CDH8: variants seen among roughly 807,000 people sequenced by gnomAD.
CDH8 encodes cadherin 8.
In CDH8, 17 loss-of-function variants were observed where a neutral mutation model predicts 68.1. The ratio of observed to expected loss-of-function variants is 0.25; its 90% CI spans 0.17 to 0.37. The LOEUF (loss-of-function observed/expected upper bound fraction) is 0.37. CDH8 is among the 10% of genes least tolerant of loss of function. The pLI, the probability that CDH8 is intolerant of heterozygous loss-of-function variation, is 1.00. For synonymous variants in CDH8, 372 were observed against 365.1 expected (o/e 1.02, Z -0.21); for missense variants, 763 against 999.3 (o/e 0.76, Z 3.19).
chr16:61,898,161 A>G (rs1384984198), intron 3 of CDH8, among the ~76,000 whole-genome samples: 3 of 152,090 alleles, frequency 2.0e-5, no homozygotes, highest in Non-Finnish European at 2.9e-5. Context: ...TTAGCCGGGC[A>G]TGGTGACATG....
At chr16:61,854,778 C>A (rs1219677388) in intron 4 of CDH8, among the ~76,000 whole-genome samples, 2 of 151,986 alleles carry the variant, frequency 1.3e-5, no homozygotes, top group Admixed American at 6.6e-5. Flanking sequence ...GCTTGTATAA[C>A]CTCCTTTAAA....
intron 4 of CDH8, among the ~76,000 whole-genome samples, chr16:61,829,434 G>GGAC (rs1371724523): frequency 4.6e-5 from 7 of 151,808 alleles, no homozygotes; most frequent in African/African-American, 1.7e-4. Flanking sequence ...TACAAAACTG[G>GGAC]GACTCTGTCC....
chr16:61,858,705 G>C (rs1963095780), intron 3 of CDH8, among the ~76,000 whole-genome samples: 2 of 152,134 alleles, frequency 1.3e-5, no homozygotes, highest in African/African-American at 4.8e-5. Flanking sequence ...GAAGCATCTG[G>C]GATGTGATGC....
rs369686237 is a variant in CDH8, at chr16:61,930,270, AACAC to A, written c.253-28801_253-28798del. Among the ~76,000 whole-genome samples, 525 of 144,292 alleles carry A rather than the reference AACAC, an allele frequency of 3.6e-3. 1 individual carries two copies. The highest frequency in any genetic ancestry group is 0.017 in the Middle Eastern group (5 of 286). The allele number at this position is 144,292 out of a possible 152,430, so 94.7% of individuals were successfully genotyped here. ...TTGTTTAAATTAACTAAAGTTAGAAAACACACACACACACACACACACACACACA... is the reference window on the plus strand; with the variant it reads ...TTGTTTAAATTAACTAAAGTTAGAAAACACACACACACACACACACACACA... On this transcript the variant is annotated intron_variant, in intron 2 of 11. Transcript: ENST00000577390.
intron 8 of CDH8, among the ~76,000 whole-genome samples, chr16:61,781,534 T>C (rs1049528863): frequency 2.0e-5 from 3 of 152,120 alleles, no homozygotes; most frequent in African/African-American, 7.2e-5. Flanking sequence ...AGCAGGAGGA[T>C]CACTTGAGCC....
chr16:62,035,777 G>A (rs1902442863), intron 1 of CDH8, among the ~76,000 whole-genome samples: 1 of 152,210 alleles, frequency 6.6e-6, no homozygotes, highest in African/African-American at 2.4e-5. Flanking sequence ...TCGCCGCAGG[G>A]AAGGAAACCG....
At chr16:61,857,086 T>C in intron 4 of CDH8, 33 bp downstream of exon 4, 2 of 1,611,780 alleles carry the variant, frequency 1.2e-6, no homozygotes, top group South Asian at 1.1e-5. Flanking sequence ...AGCAAAAACA[T>C]GGCAAATATA....
chr16:62,004,411 A>T (rs1965940368), intron 2 of CDH8, among the ~76,000 whole-genome samples: 1 of 152,206 alleles, frequency 6.6e-6, no homozygotes, highest in Non-Finnish European at 1.5e-5. Flanking sequence ...TCAGTGAAAA[A>T]GATACAAGCC....
At chr16:61,745,509 A>G (rs1016665980) in intron 8 of CDH8, among the ~76,000 whole-genome samples, 1 of 151,400 alleles carries the variant, frequency 6.6e-6, no homozygotes, top group African/African-American at 2.4e-5. Context: ...CGCTTTACAT[A>G]TAATCTACAT....
intron 8 of CDH8, among the ~76,000 whole-genome samples, chr16:61,728,547 A>G (rs2142895877): frequency 6.6e-6 from 1 of 151,140 alleles, no homozygotes; most frequent in East Asian, 2.0e-4. Flanking sequence ...TTTATTCTTC[A>G]TTCAGGGAGG....
chr16:61,674,927 C>G (rs565112243), intron 10 of CDH8, among the ~76,000 whole-genome samples: 1 of 143,396 alleles, frequency 7.0e-6, no homozygotes, highest in Non-Finnish European at 1.5e-5. Flanking sequence ...AACATGAACA[C>G]AGAGATGAAC....
intron 8 of CDH8, among the ~76,000 whole-genome samples, chr16:61,739,018 A>G (rs553060623): frequency 2.0e-5 from 3 of 152,140 alleles, no homozygotes; most frequent in South Asian, 2.1e-4. Context: ...ATAAAATTGG[A>G]TAGTGAGTTT....
chr16:61,895,725 C>G (rs1403886338), intron 3 of CDH8, among the ~76,000 whole-genome samples: 1 of 152,072 alleles, frequency 6.6e-6, no homozygotes, highest in Non-Finnish European at 1.5e-5. Flanking sequence ...TAGGTCTTGT[C>G]AAGCAATTTT....
chr16:61,732,941 C>T (rs1959576496), intron 8 of CDH8, among the ~76,000 whole-genome samples: 4 of 151,488 alleles, frequency 2.6e-5, no homozygotes, highest in Admixed American at 2.6e-4. Context: ...TTCAAATCGA[C>T]AGGAACAAAT....
chr16:61,714,126 C>T, intron 9 of CDH8, 168 bp from the exon 10 acceptor site: 1 of 612,306 alleles, frequency 1.6e-6, no homozygotes, highest in Non-Finnish European at 2.9e-6. Context: ...GAGAAAAATC[C>T]ATTACTTTAA....
intron 2 of CDH8, among the ~76,000 whole-genome samples, chr16:62,017,469 T>G (rs1392646635): frequency 6.6e-6 from 1 of 152,206 alleles, no homozygotes; most frequent in Non-Finnish European, 1.5e-5. Flanking sequence ...CTGCTTAAGC[T>G]CAGGAGTTTA....
At chr16:61,740,295 A>T (rs1959833189) in intron 8 of CDH8, among the ~76,000 whole-genome samples, 1 of 152,138 alleles carries the variant, frequency 6.6e-6, no homozygotes, top group Admixed American at 6.6e-5. Context: ...TGATTTCATT[A>T]ACATGGAATT....
rs549313549 is a variant in CDH8 at position 61,810,379 on chromosome 16, A to C, written c.1277+7100T>G. Among the ~76,000 whole-genome samples the C allele has an allele frequency of 1.9e-4, 29 of 152,256 alleles. No individual in the cohort carries two copies. In the South Asian group the frequency reaches 3.7e-3, roughly 20 times the overall value. On this transcript the variant is annotated intron_variant, in intron 7 of 11. Transcript: ENST00000577390. ...ATATTATCTGAGTTCTGCTAGTTCCAGAATTCTAAGGTCCCTGCATCACAT... is the reference window on the plus strand; with the variant it reads ...ATATTATCTGAGTTCTGCTAGTTCCCGAATTCTAAGGTCCCTGCATCACAT...
intron 2 of CDH8, among the ~76,000 whole-genome samples, chr16:61,903,051 G>A (rs1964004570): frequency 6.6e-6 from 1 of 152,110 alleles, no homozygotes; most frequent in Non-Finnish European, 1.5e-5. Context: ...ATTCATGGAA[G>A]TTTCCATTCA....
Sources: gnomAD v4.1 joint callset for allele counts (sites outside exome capture counted in the v4.1 genomes callset) on GRCh38, gnomAD v4.1.1 for gene constraint, MANE v1.5 for transcripts, NCBI Gene and HGNC (gene_info 2026-07-23, HGNC 2026-07-21) for gene names.